MARCHF1: variants seen among roughly 807,000 people sequenced by gnomAD.
The protein encoded by MARCHF1 is membrane associated ring-CH-type finger 1.
MARCHF1 carries 40 observed loss-of-function variants against 54.2 expected under a neutral mutation model. The observed-to-expected ratio is 0.74, with a 90% CI of 0.57 to 0.96. MARCHF1 has a LOEUF of 0.96. MARCHF1 is among the 40% of genes least tolerant of loss of function. The probability of loss-of-function intolerance (pLI) is 0.00; values close to 1 mark genes in which losing one functional copy is unlikely to be tolerated. For synonymous variants in MARCHF1, 236 were observed against 236.3 expected, an observed-to-expected ratio of 1.00 and a Z score of 0.01; for missense variants, 586 against 656.5, an observed-to-expected ratio of 0.89 and a Z score of 1.17.
chr4:163,744,374 A>G (rs1223185748), intron 4 of MARCHF1, among the ~76,000 whole-genome samples: 1 of 152,174 alleles, frequency 6.6e-6, no homozygotes, highest in South Asian at 2.1e-4. Context: ...TATTCATCAG[A>G]TTGCAATGGA....
chr4:163,828,014 T>TACACAC lies in MARCHF1; in HGVS notation c.111+26001_111+26006dup, dbSNP rs748460236. Among the ~76,000 whole-genome samples the TACACAC allele has an allele frequency of 2.6e-3, 327 of 124,554 alleles. 3 individuals are homozygous for TACACAC. The highest frequency in any genetic ancestry group is 0.025 in the East Asian group (86 of 3,414). 81.7% of individuals were successfully genotyped at this position (124,554 alleles called of 152,430 possible). A position where few individuals can be genotyped will look rare whatever the true frequency, so the allele number is the denominator to read the frequency against. On this transcript the variant is annotated intron_variant, in intron 4 of 9. Coordinates refer to ENST00000514618, the MANE Select transcript of MARCHF1 (RefSeq NM_001394959.1). ...CTCCCTCCAAAAGTGTGCGCAGGCATACACACACACACACACACACACACA... is the reference window on the plus strand; with the variant it reads ...CTCCCTCCAAAAGTGTGCGCAGGCATACACACACACACACACACACACACACACACA...
intron 8 of MARCHF1, among the ~76,000 whole-genome samples, chr4:163,577,511 G>T (rs557632061): frequency 6.6e-6 from 1 of 152,060 alleles, no homozygotes; most frequent in Non-Finnish European, 1.5e-5. Context: ...CTGCCTTTAA[G>T]ATTTTAAATT....
chr4:163,797,562 CTCTTT>C (rs900242657), intron 4 of MARCHF1, among the ~76,000 whole-genome samples: 1 of 151,960 alleles, frequency 6.6e-6, no homozygotes, highest in Non-Finnish European at 1.5e-5. Flanking sequence ...TAATTAACAT[CTCTTT>C]TATCATTTAC....
chr4:163,737,974 G>T, intron 4 of MARCHF1, among the ~76,000 whole-genome samples: 1 of 76,510 alleles, frequency 1.3e-5, no homozygotes, highest in Admixed American at 1.3e-4. Context: ...GTTTATTGCG[G>T]CACTATTCGC....
Position 163,529,008 on chromosome 4 carries a change from C to T in MARCHF1, c.1378G>A (p.Val460Ile). The T allele has an allele frequency of 6.2e-7, 1 of 1,611,538 alleles. No homozygotes were observed. Among genetic ancestry groups the T allele is most frequent in the Non-Finnish European group, 8.5e-7 (1 of 1,178,538 alleles). The change falls in exon 10 of 10, where the codon GTA (valine) becomes ATA (isoleucine). Residue 460 changes from valine (V) to isoleucine (I), a missense_variant. Physicochemically the swap from Val to Ile is conservative, Grantham distance 29. Transcript: ENST00000514618. ...AGACCTCCTGTGAAGCCAATGGCTACCACAACCAGTTTTGTCCAAAATGGC... is the reference window on the plus strand; with the variant it reads ...AGACCTCCTGTGAAGCCAATGGCTATCACAACCAGTTTTGTCCAAAATGGC... Reference protein sequence around the residue: ...EWPFWTKLVVVAIGFTGGLVF... With the variant: ...EWPFWTKLVVIAIGFTGGLVF...
intron 1 of MARCHF1, among the ~76,000 whole-genome samples, chr4:164,133,069 A>G (rs1014349676): frequency 6.6e-6 from 1 of 152,178 alleles, no homozygotes; most frequent in Non-Finnish European, 1.5e-5. Context: ...CCCACAACTG[A>G]AATCAACTTT....
intron 1 of MARCHF1, among the ~76,000 whole-genome samples, chr4:164,161,301 C>A (rs1306152333): frequency 1.3e-5 from 2 of 152,122 alleles, no homozygotes; most frequent in African/African-American, 4.8e-5. Context: ...TCCCCCTTCA[C>A]CTTCTGCCAT....
intron 3 of MARCHF1, among the ~76,000 whole-genome samples, chr4:163,867,159 C>T (rs1750070518): frequency 6.6e-6 from 1 of 151,870 alleles, no homozygotes; most frequent in Non-Finnish European, 1.5e-5. Context: ...TAGTGTAAAC[C>T]ATCTAGGGAC....
chr4:163,534,669 T>C (rs1161561925), intron 9 of MARCHF1, among the ~76,000 whole-genome samples: 1 of 152,064 alleles, frequency 6.6e-6, no homozygotes, highest in East Asian at 1.9e-4. Context: ...AGTACGAAAA[T>C]GGACTATACC....
chr4:163,966,096 A>G (rs1303306263), intron 3 of MARCHF1, among the ~76,000 whole-genome samples: 1 of 152,090 alleles, frequency 6.6e-6, no homozygotes, highest in Non-Finnish European at 1.5e-5. Flanking sequence ...TTTGTTTCAA[A>G]GAACTGAGGT....
At chr4:163,976,993 T>C (rs1752661096) in intron 3 of MARCHF1, among the ~76,000 whole-genome samples, 1 of 152,120 alleles carries the variant, frequency 6.6e-6, no homozygotes, top group Non-Finnish European at 1.5e-5. Flanking sequence ...CATTAAGTTT[T>C]GGGGCAATTT....
At chr4:163,563,065 T>A (rs2110982965) in intron 8 of MARCHF1, among the ~76,000 whole-genome samples, 1 of 152,342 alleles carries the variant, frequency 6.6e-6, no homozygotes, top group East Asian at 1.9e-4. Flanking sequence ...GGAGTGATGT[T>A]TGAAAACTAC....
chr4:163,858,340 C>T (rs1749826982), intron 3 of MARCHF1, among the ~76,000 whole-genome samples: 1 of 152,080 alleles, frequency 6.6e-6, no homozygotes, highest in Admixed American at 6.5e-5. Flanking sequence ...AGTTGCCTAC[C>T]TCTATTTATC....
chr4:163,596,121 A>C (rs1239842687), intron 7 of MARCHF1, among the ~76,000 whole-genome samples: 6 of 152,114 alleles, frequency 3.9e-5, no homozygotes, highest in Admixed American at 3.9e-4. Context: ...TTATAAACTT[A>C]GAGTTGGTAG....
chr4:163,593,751 G>A (rs1312853365), intron 7 of MARCHF1, among the ~76,000 whole-genome samples: 1 of 152,120 alleles, frequency 6.6e-6, no homozygotes, highest in African/African-American at 2.4e-5. Context: ...AAAATGCATT[G>A]AATTAGAAAT....
chr4:164,262,013 G>T (rs1023072457), intron 1 of MARCHF1, among the ~76,000 whole-genome samples: 22 of 151,032 alleles, frequency 1.5e-4, no homozygotes, highest in African/African-American at 5.3e-4. Context: ...GCAGAGGCAA[G>T]AGGATCGCTT....
intron 1 of MARCHF1, among the ~76,000 whole-genome samples, chr4:164,224,908 T>G (rs1392661293): frequency 1.3e-5 from 2 of 152,054 alleles, no homozygotes; most frequent in Non-Finnish European, 2.9e-5. Context: ...AGTTTAGGGT[T>G]TTTTTAAGCA....
At chr4:164,373,329 T>C (rs900841399) in intron 1 of MARCHF1, among the ~76,000 whole-genome samples, 1 of 150,760 alleles carries the variant, frequency 6.6e-6, no homozygotes, top group Non-Finnish European at 1.5e-5. Context: ...AATCTTCCCA[T>C]TAAAAATTAA....
At chr4:163,995,737 C>A (rs1263347239) in intron 2 of MARCHF1, among the ~76,000 whole-genome samples, 1 of 151,892 alleles carries the variant, frequency 6.6e-6, no homozygotes. Context: ...TATAAAGCAC[C>A]CTACCATTTG....
Sources: gnomAD v4.1 joint callset for allele counts (sites outside exome capture counted in the v4.1 genomes callset) on GRCh38, gnomAD v4.1.1 for gene constraint, MANE v1.5 for transcripts, NCBI Gene and HGNC (gene_info 2026-07-23, HGNC 2026-07-21) for gene names.